The following SUGCT variants were observed in gnomAD, a reference collection of about 807,000 sequenced individuals.
SUGCT encodes succinyl-CoA:glutarate CoA-transferase.
Under a neutral mutation model 55.0 loss-of-function variants are expected in SUGCT, and 41 were observed. That is an observed-to-expected ratio of 0.74 (90% CI 0.58 to 0.97). The LOEUF (loss-of-function observed/expected upper bound fraction) is 0.97, where lower values mean the gene tolerates loss of function less well. Among genes scored for constraint, SUGCT ranks in the 50% least tolerant of loss-of-function variants. The pLI, the probability that SUGCT is intolerant of heterozygous loss-of-function variation, is 0.00. For synonymous variants in SUGCT, 187 were observed against 200.4 expected, an observed-to-expected ratio of 0.93 and a Z score of 0.56; for missense variants, 568 against 547.8, an observed-to-expected ratio of 1.04 and a Z score of -0.37.
intron 12 of SUGCT, among the ~76,000 whole-genome samples, chr7:40,702,635 G>A (rs145975276): frequency 2.1e-4 from 32 of 152,266 alleles, no homozygotes; most frequent in African/African-American, 6.7e-4. Flanking sequence ...TTTAGGGGTC[G>A]ACCTACTGTA....
intron 13 of SUGCT, among the ~76,000 whole-genome samples, chr7:40,809,890 T>C (rs1791313762): frequency 6.6e-6 from 1 of 152,192 alleles, no homozygotes. Context: ...TTGGTTTTTT[T>C]GTCCTGACAT....
intron 12 of SUGCT, among the ~76,000 whole-genome samples, chr7:40,699,497 C>T (rs147009679): frequency 7.2e-5 from 11 of 152,256 alleles, no homozygotes; most frequent in Admixed American, 3.9e-4. Flanking sequence ...TGAGTCTCCC[C>T]GTGTCCTGCA....
At chr7:40,231,057 G>T (rs1007330904) in intron 6 of SUGCT, among the ~76,000 whole-genome samples, 1 of 152,154 alleles carries the variant, frequency 6.6e-6, no homozygotes, top group Non-Finnish European at 1.5e-5. Context: ...GTTTAGAAGG[G>T]ATGAGATTCA....
chr7:40,272,493 T>G (rs1792137096), intron 7 of SUGCT, among the ~76,000 whole-genome samples: 1 of 150,992 alleles, frequency 6.6e-6, no homozygotes, highest in Non-Finnish European at 1.5e-5. Context: ...TCTTTATCCA[T>G]TCATCCTTTG....
intron 3 of SUGCT, among the ~76,000 whole-genome samples, chr7:40,186,232 C>T (rs1785502149): frequency 7.0e-6 from 1 of 142,590 alleles, no homozygotes; most frequent in African/African-American, 2.6e-5. Context: ...CCTCCCCTCC[C>T]CTCCCTTCTC....
intron 12 of SUGCT, among the ~76,000 whole-genome samples, chr7:40,573,129 C>T (rs556950281): frequency 6.6e-6 from 1 of 152,200 alleles, no homozygotes; most frequent in Non-Finnish European, 1.5e-5. Flanking sequence ...AAAAACGAAT[C>T]CCATCTTCTA....
chr7:40,608,943 C>T (rs1206911957), intron 12 of SUGCT, among the ~76,000 whole-genome samples: 6 of 152,188 alleles, frequency 3.9e-5, no homozygotes, highest in Non-Finnish European at 7.3e-5. Flanking sequence ...CTAGCATACA[C>T]TACAATGCCA....
the SUGCT span, among the ~76,000 whole-genome samples, chr7:40,897,965 G>A: frequency 6.6e-6 from 1 of 152,158 alleles, no homozygotes; most frequent in Non-Finnish European, 1.5e-5. Context: ...AATAAAAGCA[G>A]GCCACCTGCG....
intron 9 of SUGCT, among the ~76,000 whole-genome samples, chr7:40,412,959 A>G (rs4360193): frequency 6.6e-6 from 1 of 152,110 alleles, no homozygotes; most frequent in African/African-American, 2.4e-5. Context: ...TATTTATTCC[A>G]TTTTGTAGGG....
chr7:40,442,704 C>A (rs186755291), intron 9 of SUGCT, among the ~76,000 whole-genome samples: 109 of 152,002 alleles, frequency 7.2e-4, no homozygotes, highest in African/African-American at 2.6e-3. Flanking sequence ...CTTAAAAAGT[C>A]CCAAATTCTT....
chr7:40,947,986 C>G, the SUGCT span, among the ~76,000 whole-genome samples: 2 of 152,152 alleles, frequency 1.3e-5, no homozygotes, highest in Non-Finnish European at 2.9e-5. Context: ...ACAGACTCTT[C>G]TCCTTTAGCC....
intron 11 of SUGCT, among the ~76,000 whole-genome samples, chr7:40,479,243 A>G (rs2151484826): frequency 6.6e-6 from 1 of 152,278 alleles, no homozygotes; most frequent in African/African-American, 2.4e-5. Context: ...TGGGTATATA[A>G]TCATGTACCA....
intron 13 of SUGCT, among the ~76,000 whole-genome samples, chr7:40,763,171 G>A (rs1788619793): frequency 6.6e-6 from 1 of 152,144 alleles, no homozygotes; most frequent in African/African-American, 2.4e-5. Context: ...ACACCTGATA[G>A]TGTAAGCCAC....
chr7:40,313,195 A>G (rs1010986046), intron 8 of SUGCT, among the ~76,000 whole-genome samples: 2 of 152,208 alleles, frequency 1.3e-5, no homozygotes, highest in Non-Finnish European at 2.9e-5. Context: ...TTTTGTTTAG[A>G]TGAAACCATA....
chr7:40,799,089 G>A (rs925539153), intron 13 of SUGCT, among the ~76,000 whole-genome samples: 3 of 152,100 alleles, frequency 2.0e-5, no homozygotes, highest in Non-Finnish European at 4.4e-5. Flanking sequence ...GAGACAGGAT[G>A]GACTCTGGGC....
intron 12 of SUGCT, among the ~76,000 whole-genome samples, chr7:40,663,973 G>A (rs1185043661): frequency 1.3e-5 from 2 of 152,086 alleles, no homozygotes; most frequent in Non-Finnish European, 2.9e-5. Flanking sequence ...GGTCACTGGG[G>A]GGAGGGCCTA....
At chr7:40,854,419 C>CTTTCTTTCTTTCTTTCTTT (rs200586474) in intron 13 of SUGCT, among the ~76,000 whole-genome samples, 10 of 88,840 alleles carry the variant, frequency 1.1e-4, no homozygotes, top group African/African-American at 4.2e-4. Context: ...TTCTTTCTTT[C>CTTTCTTTCTTTCTTTCTTT]CTTTCTTTCT....
the SUGCT span, among the ~76,000 whole-genome samples, chr7:40,907,135 G>T: frequency 0.017 from 800 of 48,362 alleles, 3 homozygotes; most frequent in East Asian, 0.041. Flanking sequence ...GTGTGTGTGT[G>T]TGTGTGAGAG....
intron 13 of SUGCT, among the ~76,000 whole-genome samples, chr7:40,818,106 G>C (rs1186035977): frequency 1.3e-5 from 2 of 152,142 alleles, no homozygotes; most frequent in African/African-American, 4.8e-5. Context: ...CATAAAGAAT[G>C]GACTGCAGTT....
Sources: allele counts gnomAD v4.1 joint callset (sites outside exome capture counted in the v4.1 genomes callset), GRCh38; gene constraint gnomAD v4.1.1; transcripts MANE v1.5; gene names NCBI Gene and HGNC (gene_info 2026-07-23, HGNC 2026-07-21).